Variants in AGFG1 observed in about 807,000 individuals in gnomAD.
AGFG1 encodes ArfGAP with FG repeats 1.
Under a neutral mutation model 60.6 loss-of-function variants are expected in AGFG1, and 10 were observed. The ratio of observed to expected loss-of-function variants is 0.16; its 90% CI spans 0.10 to 0.28. The LOEUF is 0.28. Among genes scored for constraint, AGFG1 ranks in the 10% least tolerant of loss-of-function variants. AGFG1 has a pLI of 1.00. For synonymous variants in AGFG1, 247 were observed against 242.9 expected (o/e 1.02, Z -0.16); for missense variants, 537 against 676.5 (o/e 0.79, Z 2.29).
Position 227,554,711 on chromosome 2 carries a change from A to G in AGFG1, c.*216A>G. 2.3e-6 allele frequency: 1 copy of G among 435,924 alleles called. No individual in the cohort carries two copies. The highest frequency in any genetic ancestry group is 4.1e-6 in the Non-Finnish European group (1 of 244,984). 27.0% of individuals were successfully genotyped at this position (435,924 alleles called of 1,614,324 possible). Reference sequence around the variant, plus strand: ...TGAATTGGCAGAAAAGGGTAGCGGTATCATGTATATTAAAATTGGCTAATA... The same window carrying G: ...TGAATTGGCAGAAAAGGGTAGCGGTGTCATGTATATTAAAATTGGCTAATA... On this transcript the variant is annotated 3_prime_UTR_variant, in exon 13 of 13. Coordinates refer to ENST00000310078, the MANE Select transcript of AGFG1 (RefSeq NM_004504.5).
At position 227,523,822 on chromosome 2, in the gene AGFG1, C is replaced by G. The variant is rs185026138; in HGVS notation, c.437C>G (p.Ser146Cys). The G allele has an allele frequency of 6.2e-7, 1 of 1,613,914 alleles. No homozygotes were observed. The highest frequency in any genetic ancestry group is 1.7e-5 in the Admixed American group (1 of 59,990). The change falls in exon 4 of 13, where the codon TCC becomes TGC. Residue 146 changes from serine to cysteine, a missense_variant. Physicochemically the swap from Ser to Cys is moderately radical, Grantham distance 112. Transcript: ENST00000310078. ...VASVHASISG[S>C]SASSTSSTPE... The stretch of plus-strand genomic sequence containing the variant: ...TCAGTTCATGCATCTATTTCAGGGT[C>G]CTCTGCCAGTAGCACAAGCAGCACA...
chr2:227,485,051 T>C (rs554549521), intron 1 of AGFG1, among the ~76,000 whole-genome samples: 1 of 152,138 alleles, frequency 6.6e-6, no homozygotes, highest in African/African-American at 2.4e-5. Flanking sequence ...AAGATACTGT[T>C]ATTTTGATCT....
At chr2:227,553,895 A>G (rs1692895066) in intron 12 of AGFG1, 100 bp downstream of exon 12, 1 of 689,834 alleles carries the variant, frequency 1.4e-6, no homozygotes, top group South Asian at 2.0e-5. Flanking sequence ...ATTTGGTGTT[A>G]TATTGATATG....
intron 2 of AGFG1, among the ~76,000 whole-genome samples, chr2:227,508,989 C>T (rs1691411547): frequency 6.6e-6 from 1 of 152,002 alleles, no homozygotes; most frequent in South Asian, 2.1e-4. Context: ...ACATGATACA[C>T]CAAAATTTCA....
chr2:227,534,527 T>C (rs1332392986), intron 7 of AGFG1, among the ~76,000 whole-genome samples: 1 of 152,236 alleles, frequency 6.6e-6, no homozygotes, highest in Non-Finnish European at 1.5e-5. Context: ...TATATGTTCA[T>C]GTGAACAAGA....
intron 2 of AGFG1, among the ~76,000 whole-genome samples, chr2:227,505,500 T>A (rs1691286629): frequency 6.6e-6 from 1 of 152,122 alleles, no homozygotes; most frequent in African/African-American, 2.4e-5. Flanking sequence ...AGGCTCTTAA[T>A]TTTTTTCCCT....
chr2:227,497,016 T>C (rs1387340916), intron 2 of AGFG1, among the ~76,000 whole-genome samples: 1 of 152,194 alleles, frequency 6.6e-6, no homozygotes, highest in Admixed American at 6.5e-5. Context: ...AGTTAAGTTA[T>C]ATACTCATTA....
chr2:227,490,546 C>T (rs983836448), intron 1 of AGFG1, among the ~76,000 whole-genome samples: 8 of 150,286 alleles, frequency 5.3e-5, no homozygotes, highest in Non-Finnish European at 1.2e-4. Context: ...CCACTGCACT[C>T]CAGCCTGGGC....
At chr2:227,539,151 C>T (rs1269582806) in intron 10 of AGFG1, among the ~76,000 whole-genome samples, 1 of 151,982 alleles carries the variant, frequency 6.6e-6, no homozygotes, top group Non-Finnish European at 1.5e-5. Flanking sequence ...CCTTCAAATA[C>T]ATTAACACTG....
chr2:227,485,239 GTTTC>G (rs1690593962), intron 1 of AGFG1, among the ~76,000 whole-genome samples: 1 of 112,120 alleles, frequency 8.9e-6, no homozygotes, highest in African/African-American at 3.6e-5. Context: ...TCACCGAATC[GTTTC>G]TTTTTTTTTT....
intron 10 of AGFG1, among the ~76,000 whole-genome samples, chr2:227,537,947 T>C (rs1332017068): frequency 6.6e-6 from 1 of 152,208 alleles, no homozygotes; most frequent in Non-Finnish European, 1.5e-5. Context: ...GTAACTATTT[T>C]CTTTTCACAT....
In AGFG1 at chr2:227,560,104, T is replaced by C. The variant is rs1237062346; in HGVS notation, c.*5609T>C. 1 of 152,140 alleles carries C rather than the reference T, an allele frequency of 6.6e-6. No individual in the cohort carries two copies. Among genetic ancestry groups the C allele is most frequent in the Non-Finnish European group, 1.5e-5 (1 of 67,960 alleles). The allele number at this position is 152,140 out of a possible 1,614,324, so 9.4% of individuals were successfully genotyped here. ...TCTCTCTGTATGCCTCTTCCTGTTC[T>C]TATTTTAAATGTTCAAGTTTGTGAC... On this transcript the variant is annotated 3_prime_UTR_variant, in exon 13 of 13. Transcript: ENST00000310078.
intron 2 of AGFG1, among the ~76,000 whole-genome samples, chr2:227,509,384 A>G (rs1244105808): frequency 1.3e-5 from 2 of 152,320 alleles, no homozygotes; most frequent in East Asian, 3.9e-4. Context: ...AAAAGAGACA[A>G]GACAGTTAAT....
At chr2:227,485,195 A>C (rs895657715) in intron 1 of AGFG1, among the ~76,000 whole-genome samples, 11 of 149,566 alleles carry the variant, frequency 7.4e-5, no homozygotes, top group Non-Finnish European at 1.3e-4. Context: ...TTTTCATTCC[A>C]GTTGCTTTTA....
At chr2:227,474,903 G>T (rs1312818076) in intron 1 of AGFG1, among the ~76,000 whole-genome samples, 1 of 152,162 alleles carries the variant, frequency 6.6e-6, no homozygotes, top group Non-Finnish European at 1.5e-5. Context: ...AAACAGTGAG[G>T]ATAAGATTTC....
intron 10 of AGFG1, among the ~76,000 whole-genome samples, chr2:227,539,367 A>G (rs992805048): frequency 4.8e-5 from 7 of 146,380 alleles, no homozygotes; most frequent in Non-Finnish European, 7.4e-5. Context: ...CGCTTGAACC[A>G]GGGAAATGGA....
In AGFG1 at chr2:227,536,672, C is replaced by T; in HGVS notation, c.1253C>T (p.Pro418Leu). Reference sequence around the variant, plus strand: ...GTGGTTGCTTCTGCACAGACACAGCCTGCTTCATCAAGTGTGCCTGCTCCA... The same window carrying T: ...GTGGTTGCTTCTGCACAGACACAGCTTGCTTCATCAAGTGTGCCTGCTCCA... ...VPVVASAQTQ[P>L]ASSSVPAPFG... Residue 418 changes from proline to leucine, a missense_variant, in exon 9 of 13, where the codon CCT becomes CTT. This residue lies in a region of AGFG1 where 287 missense variants were observed against 343.6 expected (regional missense o/e 0.84). Transcript: ENST00000310078. 6.2e-7 allele frequency: 1 copy of T among 1,613,752 alleles called. No homozygotes were observed.
chr2:227,515,466 T>C (rs1691623673), intron 2 of AGFG1, among the ~76,000 whole-genome samples: 1 of 152,184 alleles, frequency 6.6e-6, no homozygotes, highest in South Asian at 2.1e-4. Context: ...GCCAACAATT[T>C]TGGGACAATC....
rs190856985 is a variant in AGFG1, at chr2:227,522,473, A to T, written c.378-1290A>T. 7.4e-3 allele frequency among the ~76,000 whole-genome samples: 1,120 copies of T among 152,340 alleles called. 12 individuals carry two copies. Among genetic ancestry groups the T allele is most frequent in the Non-Finnish European group, 0.013 (879 of 68,022 alleles). On this transcript the variant is annotated intron_variant, in intron 3 of 12. Transcript: ENST00000310078. ...GTTGTTTGTGATTATTATGTAGTTT[A>T]GTGACAGTGAACACTTAGTTAACAC...
Sources: gnomAD v4.1 joint callset for allele counts (sites outside exome capture counted in the v4.1 genomes callset) on GRCh38, gnomAD v4.1.1 for gene constraint, gnomAD v4.1.1 regional missense constraint, MANE v1.5 for transcripts, NCBI Gene and HGNC (gene_info 2026-07-23, HGNC 2026-07-21) for gene names.